Variants in ITPR1 observed in about 807,000 individuals in gnomAD.
ITPR1 encodes inositol 1,4,5-trisphosphate receptor type 1, also known as inositol 1,4,5-trisphosphate-gated calcium channel ITPR1.
Under a neutral mutation model 318.4 loss-of-function variants are expected in ITPR1, and 96 were observed. That is an observed-to-expected ratio of 0.30 (90% CI 0.26 to 0.36). The LOEUF is 0.36. ITPR1 is among the 10% of genes least tolerant of loss of function. The probability of loss-of-function intolerance (pLI) is 1.00; values close to 1 mark genes in which losing one functional copy is unlikely to be tolerated. For missense variants in ITPR1, 2,440 were observed against 3,460.2 expected (o/e 0.71, Z 7.40); for synonymous variants, 1,312 against 1,289.9 (o/e 1.02, Z -0.37).
chr3:4,572,121 T>C (rs11130069), intron 4 of ITPR1, among the ~76,000 whole-genome samples: 136,617 of 152,220 alleles, frequency 0.9, 61,368 homozygotes, highest in South Asian at 0.93. Flanking sequence ...GCGGGTCCAG[T>C]CCTATGACTT....
chr3:4,571,763 C>G (rs563416591), intron 4 of ITPR1, among the ~76,000 whole-genome samples: 1 of 152,276 alleles, frequency 6.6e-6, no homozygotes, highest in East Asian at 1.9e-4. Context: ...CAGGGAAGCT[C>G]ACAGGCCTAT....
chr3:4,535,736 C>T (rs958545229), intron 4 of ITPR1, among the ~76,000 whole-genome samples: 1 of 151,984 alleles, frequency 6.6e-6, no homozygotes, highest in Non-Finnish European at 1.5e-5. Flanking sequence ...TGAGTCACCT[C>T]GCCCAGCCAG....
chr3:4,589,157 A>G (rs918334021), intron 4 of ITPR1, among the ~76,000 whole-genome samples: 3 of 152,108 alleles, frequency 2.0e-5, no homozygotes, highest in Non-Finnish European at 4.4e-5. Flanking sequence ...ATGCTGTCTC[A>G]TTGTGTCTCA....
chr3:4,524,348 T>C (rs1426086844), intron 4 of ITPR1, among the ~76,000 whole-genome samples: 1 of 145,708 alleles, frequency 6.9e-6, no homozygotes, highest in East Asian at 2.2e-4. Context: ...GAAAGATCTC[T>C]CTTTTGGAAG....
At chr3:4,493,823 A>ATT (rs1486165640) in intron 1 of ITPR1, among the ~76,000 whole-genome samples, 1 of 151,100 alleles carries the variant, frequency 6.6e-6, no homozygotes, top group African/African-American at 2.4e-5. Context: ...GGGGCTCCCC[A>ATT]TTCTGGTCTG....
chr3:4,590,040 T>C (rs1414889190), intron 4 of ITPR1, among the ~76,000 whole-genome samples: 1 of 152,144 alleles, frequency 6.6e-6, no homozygotes, highest in Non-Finnish European at 1.5e-5. Context: ...AATTCTCTCT[T>C]GCAGGACTCA....
intron 61 of ITPR1, among the ~76,000 whole-genome samples, chr3:4,843,184 A>G (rs755012765): frequency 8.6e-5 from 13 of 151,864 alleles, no homozygotes; most frequent in Non-Finnish European, 1.6e-4. Context: ...AGTCACTTAA[A>G]TGGCAGTGAT....
At chr3:4,499,876 G>A (rs304063) in intron 2 of ITPR1, among the ~76,000 whole-genome samples, 54,627 of 152,008 alleles carry the variant, frequency 0.36, 10,014 homozygotes, top group Admixed American at 0.41. Context: ...GTCTCAAGCA[G>A]TCTTCCTGTG....
At chr3:4,696,715 A>G (rs1307965133) in intron 33 of ITPR1, among the ~76,000 whole-genome samples, 38 of 149,564 alleles carry the variant, frequency 2.5e-4, no homozygotes, top group Non-Finnish European at 5.3e-4. Flanking sequence ...TCCTTTAAGA[A>G]ATATCTGATC....
chr3:4,545,221 T>C (rs1018749293), intron 4 of ITPR1, among the ~76,000 whole-genome samples: 3 of 152,222 alleles, frequency 2.0e-5, no homozygotes, highest in African/African-American at 7.2e-5. Context: ...ACTTTAATAT[T>C]TATTTTCCTT....
intron 39 of ITPR1, among the ~76,000 whole-genome samples, chr3:4,713,109 C>T (rs987427080): frequency 2.6e-5 from 4 of 152,172 alleles, no homozygotes; most frequent in Admixed American, 1.3e-4. Context: ...CGGGGGAAGG[C>T]TGATGGCAGA....
At chr3:4,688,156 T>C (rs533057481) in intron 30 of ITPR1, among the ~76,000 whole-genome samples, 2 of 152,174 alleles carry the variant, frequency 1.3e-5, no homozygotes, top group African/African-American at 4.8e-5. Flanking sequence ...AGGGGTGGGA[T>C]TACAGGTATG....
intron 32 of ITPR1, 40 bp from the exon 33 acceptor site, chr3:4,693,449 CT>C (rs747598363): frequency 3.1e-6 from 5 of 1,597,868 alleles, no homozygotes; most frequent in Non-Finnish European, 4.3e-6. Context: ...TGCCCCACCC[CT>C]GCAAGCTTGT....
chr3:4,688,661 G>T, intron 31 of ITPR1, 41 bp downstream of exon 31: 1 of 1,589,578 alleles, frequency 6.3e-7, no homozygotes, highest in Non-Finnish European at 8.6e-7. Flanking sequence ...AGAGGGAGGA[G>T]GGCAGGGAAG....
chr3:4,798,371 T>G (rs1382199586), intron 53 of ITPR1, among the ~76,000 whole-genome samples: 1 of 152,200 alleles, frequency 6.6e-6, no homozygotes, highest in African/African-American at 2.4e-5. Flanking sequence ...TCACTAGTTA[T>G]CAGGGAAATG....
At chr3:4,692,804 AGG>A (rs2094500194) in intron 32 of ITPR1, among the ~76,000 whole-genome samples, 1 of 152,166 alleles carries the variant, frequency 6.6e-6, no homozygotes, top group Admixed American at 6.5e-5. Context: ...AGAATTGTAA[AGG>A]GGATACATTG....
At chr3:4,560,078 G>T (rs2086523445) in intron 4 of ITPR1, among the ~76,000 whole-genome samples, 1 of 152,130 alleles carries the variant, frequency 6.6e-6, no homozygotes, top group African/African-American at 2.4e-5. Flanking sequence ...AAATAGTCCT[G>T]GCTCATAAGA....
chr3:4,766,647 A>T lies in ITPR1; in HGVS notation c.5662A>T (p.Ser1888Cys). 6.2e-7 allele frequency: 1 copy of T among 1,613,544 alleles called. No homozygotes were observed. The highest frequency in any genetic ancestry group is 1.7e-5 in the Admixed American group (1 of 59,964). ...CAAAGCAACAGTGACAGTGAACACC[A>T]GTGACTTGGGAAATAAAAAGAAAGA... ...EIKATVTVNTSDLGNKKKDDE... is the reference protein window; with the variant it reads ...EIKATVTVNTCDLGNKKKDDE... Residue 1888 changes from serine (S) to cysteine (C), a missense_variant, in exon 45 of 62, where the codon AGT becomes TGT. Physicochemically the swap from Ser to Cys is moderately radical, Grantham distance 112. This residue lies in a region of ITPR1 where 80 missense variants were observed against 122.0 expected (regional missense o/e 0.66). Coordinates refer to ENST00000649015, the MANE Select transcript of ITPR1 (RefSeq NM_001378452.1).
At chr3:4,676,119 A>T (rs996837535) in intron 23 of ITPR1, among the ~76,000 whole-genome samples, 2 of 151,158 alleles carry the variant, frequency 1.3e-5, no homozygotes, top group African/African-American at 4.9e-5. Context: ...TAGCAGGAGG[A>T]TTGCTTGAGG....
Sources: allele counts gnomAD v4.1 joint callset (sites outside exome capture counted in the v4.1 genomes callset), GRCh38; gene constraint gnomAD v4.1.1; regional missense constraint gnomAD v4.1.1; transcripts MANE v1.5; gene names NCBI Gene and HGNC (gene_info 2026-07-23, HGNC 2026-07-21).